The following ADAM12 variants were observed in gnomAD, a reference collection of about 807,000 sequenced individuals.
The protein encoded by ADAM12 is disintegrin and metalloproteinase domain-containing protein 12.
ADAM12 carries 70 observed loss-of-function variants against 106.4 expected under a neutral mutation model. That is an observed-to-expected ratio of 0.66 (90% CI 0.54 to 0.80). ADAM12 has a LOEUF of 0.80. ADAM12 is among the 30% of genes least tolerant of loss of function. The probability of loss-of-function intolerance (pLI) is 0.00; values close to 1 mark genes in which losing one functional copy is unlikely to be tolerated. For synonymous variants in ADAM12, 420 were observed against 433.5 expected (o/e 0.97, Z 0.39); for missense variants, 1,010 against 1,171.9 (o/e 0.86, Z 2.02).
Position 126,043,285 on chromosome 10 carries a change from T to A in ADAM12, c.1996-137A>T. The A allele has an allele frequency of 6.2e-6, 5 of 801,316 alleles. No homozygotes were observed. The highest frequency in any genetic ancestry group is 7.9e-6 in the Non-Finnish European group (4 of 506,166). 49.6% of individuals were successfully genotyped at this position (801,316 alleles called of 1,614,324 possible). Reference sequence around the variant, plus strand: ...GACTCAGCACACGCCATGGTGCGAATAAGCCCAAAGCCGGCACTACACACC... The same window carrying A: ...GACTCAGCACACGCCATGGTGCGAAAAAGCCCAAAGCCGGCACTACACACC... On this transcript the variant is annotated intron_variant, in intron 17 of 22. Transcript: ENST00000448723. The surrounding 1 kb of genome is among the most constrained non-coding windows in gnomAD (Gnocchi z 4.1).
intron 1 of ADAM12, among the ~76,000 whole-genome samples, chr10:126,380,050 G>C (rs1396778652): frequency 1.3e-5 from 2 of 152,158 alleles, no homozygotes; most frequent in African/African-American, 4.8e-5. Flanking sequence ...TTTTTAAATA[G>C]TTGCCAAGAA....
chr10:126,045,695 T>C (rs1223054094), intron 17 of ADAM12, among the ~76,000 whole-genome samples: 1 of 152,254 alleles, frequency 6.6e-6, no homozygotes, highest in African/African-American at 2.4e-5. Flanking sequence ...TTTGGAAATA[T>C]TTCAGTTCAG....
intron 14 of ADAM12, among the ~76,000 whole-genome samples, chr10:126,062,381 C>A (rs1954775871): frequency 6.6e-6 from 1 of 152,104 alleles, no homozygotes; most frequent in African/African-American, 2.4e-5. Flanking sequence ...CCCAGGGAAG[C>A]CCCCTCCTTA....
intron 14 of ADAM12, among the ~76,000 whole-genome samples, chr10:126,051,588 T>TCCATCCAGCCAGCCAG (rs1281562847): frequency 5.5e-4 from 68 of 124,384 alleles, no homozygotes; most frequent in African/African-American, 1.7e-3. Flanking sequence ...CATCCATCCA[T>TCCATCCAGCCAGCCAG]CCAGCCAGCC....
chr10:126,162,979 G>T (rs1252807250), intron 3 of ADAM12, among the ~76,000 whole-genome samples: 1 of 152,064 alleles, frequency 6.6e-6, no homozygotes, highest in African/African-American at 2.4e-5. Flanking sequence ...GTTTTTGCAA[G>T]ATCTGGTCAA....
In ADAM12 at chr10:126,118,186, T is replaced by G; in HGVS notation, c.455A>C (p.Glu152Ala). ...TCTGTTGGTTGCACTTTTCATTGGT[T>G]CTAAGACATAGCTTTCATTTTCAAA... ...IVFENESYVLEPMKSATNRYK... is the reference protein window; with the variant it reads ...IVFENESYVLAPMKSATNRYK... Residue 152 changes from glutamate to alanine, a missense_variant, in exon 6 of 23, where the codon GAA becomes GCA. This residue lies in a region of ADAM12 where 391 missense variants were observed against 442.9 expected (regional missense o/e 0.88). Coordinates refer to ENST00000448723, the MANE Select transcript of ADAM12 (RefSeq NM_001288973.2). 1 of 1,614,156 alleles carries G rather than the reference T, an allele frequency of 6.2e-7. No homozygotes were observed. The highest frequency in any genetic ancestry group is 8.5e-7 in the Non-Finnish European group (1 of 1,179,984).
chr10:126,143,947 T>C (rs11813053), intron 4 of ADAM12, among the ~76,000 whole-genome samples: 49,251 of 152,032 alleles, frequency 0.32, 8,326 homozygotes, highest in Non-Finnish European at 0.38. Flanking sequence ...TGTGTGTTTC[T>C]ATAACTGGGC....
intron 3 of ADAM12, among the ~76,000 whole-genome samples, chr10:126,226,209 A>C (rs1048419572): frequency 6.7e-5 from 3 of 44,662 alleles, no homozygotes; most frequent in Non-Finnish European, 9.5e-5. Flanking sequence ...GGGCGGGGGG[A>C]GTGGGGTGGG....
At chr10:126,371,085 G>A (rs7084288) in intron 1 of ADAM12, among the ~76,000 whole-genome samples, 23,277 of 152,184 alleles carry the variant, frequency 0.15, 2,127 homozygotes, top group Middle Eastern at 0.28. Context: ...TCTCAGCTGC[G>A]TCACCTTGTA....
Position 126,036,250 on chromosome 10 carries a change from G to A in ADAM12, c.2425C>T (p.Pro809Ser). ...GGAAGCACTCGCTGAGTTGACTGGG[G>A]CTGAGGGACATTCAGGCCGTTGAGG... Reference protein sequence around the residue: ...RPLNGLNVPQPQSTQRVLPPL... With the variant: ...RPLNGLNVPQSQSTQRVLPPL... Residue 809 changes from proline (P) to serine (S), a missense_variant, in exon 21 of 23, where the codon CCC becomes TCC. Pro to Ser is a moderately conservative substitution (Grantham distance 74). This residue lies in a region of ADAM12 where 615 missense variants were observed against 708.5 expected (regional missense o/e 0.87). Coordinates refer to ENST00000448723, the MANE Select transcript of ADAM12 (RefSeq NM_001288973.2). 1 of 1,557,622 alleles carries A rather than the reference G, an allele frequency of 6.4e-7. No individual in the cohort carries two copies. Among genetic ancestry groups the A allele is most frequent in the Non-Finnish European group, 8.6e-7 (1 of 1,158,166 alleles).
intron 2 of ADAM12, among the ~76,000 whole-genome samples, chr10:126,282,805 T>C (rs986959192): frequency 2.6e-5 from 4 of 152,108 alleles, no homozygotes; most frequent in African/African-American, 9.7e-5. Flanking sequence ...ACTACAGCAG[T>C]CCCCAACATT....
intron 3 of ADAM12, among the ~76,000 whole-genome samples, chr10:126,229,171 G>T (rs1291690305): frequency 6.6e-6 from 1 of 152,294 alleles, no homozygotes; most frequent in Middle Eastern, 3.4e-3. Flanking sequence ...GGCGGGCAGG[G>T]GCTTCCGGTG....
chr10:126,314,365 G>A (rs1385279020), intron 2 of ADAM12, among the ~76,000 whole-genome samples: 1 of 152,142 alleles, frequency 6.6e-6, no homozygotes, highest in Non-Finnish European at 1.5e-5. Context: ...TGAGGGGGGT[G>A]CTCCAAAGGG....
chr10:126,197,137 G>T (rs1369759357), intron 3 of ADAM12, among the ~76,000 whole-genome samples: 1 of 152,296 alleles, frequency 6.6e-6, no homozygotes, highest in African/African-American at 2.4e-5. Flanking sequence ...AGGCAGGGGT[G>T]GTGTGGAAGA....
Position 126,066,742 on chromosome 10 carries a change from T to C in ADAM12, c.1388A>G (p.His463Arg), listed in dbSNP as rs1309286422. Residue 463 changes from histidine to arginine, a missense_variant, in exon 13 of 23, where the codon CAT becomes CGT. Transcript: ENST00000448723. The surrounding 1 kb of genome is among the most constrained non-coding windows in gnomAD (Gnocchi z 5.1). The part of the protein sequence containing the change: ...CTLKPDAVCA[H>R]GLCCEDCQLK... Reference sequence around the variant, plus strand: ...CTGGCAGTCTTCACAGCACAGCCCATGTGCGCACACAGCGTCCGGCTTCAG... The same window carrying C: ...CTGGCAGTCTTCACAGCACAGCCCACGTGCGCACACAGCGTCCGGCTTCAG... 1 of 1,614,084 alleles carries C rather than the reference T, an allele frequency of 6.2e-7. No individual in the cohort carries two copies. The highest frequency in any genetic ancestry group is 8.5e-7 in the Non-Finnish European group (1 of 1,180,024).
At chr10:126,046,532 C>T (rs570066044) in intron 16 of ADAM12, among the ~76,000 whole-genome samples, 5 of 152,028 alleles carry the variant, frequency 3.3e-5, no homozygotes, top group South Asian at 2.1e-4. Context: ...AGGTTGGGCA[C>T]GGTTGCTCAC....
chr10:126,349,826 C>T (rs1017656060), intron 1 of ADAM12, among the ~76,000 whole-genome samples: 8 of 152,184 alleles, frequency 5.3e-5, no homozygotes, highest in Non-Finnish European at 1.5e-5. Context: ...ACATTTATCT[C>T]TGCTAAGCAG....
rs187904421 is a variant in ADAM12, at chr10:126,081,271, C to T, written c.1146-9617G>A. On this transcript the variant is annotated intron_variant, in intron 11 of 22. Transcript: ENST00000448723. ...GAAGAAGGATGGAACAGCCAGGCAG[C>T]GGCTGAGAACAGCTTGGAGCCGACA... is the stretch of plus-strand genomic sequence containing the variant. Among the ~76,000 whole-genome samples the T allele has an allele frequency of 4.1e-4, 62 of 152,154 alleles. No homozygotes were observed. The East Asian group carries it at 0.011, about 27-fold the overall frequency.
At chr10:126,299,594 A>T (rs1960528620) in intron 2 of ADAM12, among the ~76,000 whole-genome samples, 1 of 152,082 alleles carries the variant, frequency 6.6e-6, no homozygotes, top group Admixed American at 6.5e-5. Flanking sequence ...ATGAATGCTC[A>T]TGTTGAATTT....
Sources: allele counts gnomAD v4.1 joint callset (sites outside exome capture counted in the v4.1 genomes callset), GRCh38; gene constraint gnomAD v4.1.1; regional missense constraint gnomAD v4.1.1; non-coding constraint Gnocchi (gnomAD v3.1); transcripts MANE v1.5; gene names NCBI Gene and HGNC (gene_info 2026-07-23, HGNC 2026-07-21).